CPVL: variants seen among roughly 807,000 people sequenced by gnomAD.
CPVL encodes the protein carboxypeptidase vitellogenic like, also known as probable serine carboxypeptidase CPVL.
CPVL carries 51 observed loss-of-function variants against 63.7 expected under a neutral mutation model. The ratio of observed to expected loss-of-function variants is 0.80; its 90% CI spans 0.64 to 1.01. CPVL has a LOEUF of 1.01. Ranked by LOEUF, CPVL falls within the 50% of genes least tolerant of loss-of-function variation. The pLI is 0.00. For synonymous variants in CPVL, 195 were observed against 206.0 expected (o/e 0.95, Z 0.46); for missense variants, 530 against 573.1 (o/e 0.92, Z 0.77).
At chr7:29,026,701 C>G (rs572129490) in intron 12 of CPVL, among the ~76,000 whole-genome samples, 1 of 151,968 alleles carries the variant, frequency 6.6e-6, no homozygotes, top group African/African-American at 2.4e-5. Context: ...TCATCAGAGA[C>G]TATTATGGAC....
chr7:29,054,141 A>G (rs987497226), intron 11 of CPVL, among the ~76,000 whole-genome samples: 37 of 152,190 alleles, frequency 2.4e-4, no homozygotes, highest in African/African-American at 8.2e-4. Flanking sequence ...GCCTTAACAA[A>G]TGTTAACATT....
intron 11 of CPVL, among the ~76,000 whole-genome samples, chr7:29,040,764 C>A (rs1788986701): frequency 6.6e-6 from 1 of 152,094 alleles, no homozygotes; most frequent in South Asian, 2.1e-4. Flanking sequence ...GAGTCAGTGT[C>A]CAGCGATTAT....
chr7:29,014,472 C>T (rs1199145883), intron 12 of CPVL, among the ~76,000 whole-genome samples: 1 of 152,108 alleles, frequency 6.6e-6, no homozygotes, highest in African/African-American at 2.4e-5. Flanking sequence ...GCTGGGACTA[C>T]AGGCCTGCAC....
intron 1 of CPVL, among the ~76,000 whole-genome samples, chr7:29,144,451 C>T (rs1792233847): frequency 6.6e-6 from 1 of 152,154 alleles, no homozygotes; most frequent in African/African-American, 2.4e-5. Flanking sequence ...ATTCCAGCTA[C>T]TCAGGAGGCT....
chr7:28,995,802 A>G lies in CPVL; in HGVS notation c.1401T>C (p.Tyr467=), dbSNP rs1305512473. 1 of 1,607,254 alleles carries G rather than the reference A, an allele frequency of 6.2e-7. No individual in the cohort carries two copies. The highest frequency in any genetic ancestry group is 1.3e-5 in the African/African-American group (1 of 74,640). The change falls in exon 13 of 13, where the codon TAT becomes TAC. Residue 467 remains tyrosine (Y), a synonymous_variant. Transcript: ENST00000265394. ...RAFDMINRFI[Y]GKGWDPYVG is the part of the protein sequence containing the mutation. ...CAACATAAGGATCCCATCCTTTTCC[A>G]TAAATGAATCGATTAATCATGTCAA...
At chr7:29,040,953 C>T (rs1052370919) in intron 11 of CPVL, among the ~76,000 whole-genome samples, 7 of 152,024 alleles carry the variant, frequency 4.6e-5, no homozygotes, top group African/African-American at 7.2e-5. Flanking sequence ...CACACTTAAA[C>T]GACTTTTAAG....
rs1339180192 is a variant in CPVL at position 29,158,528 on chromosome 7, GTGATAATATTGATA to G, written c.-11+22748_-11+22761del. On this transcript the variant is annotated intron_variant, in intron 5 of 16. Transcript: ENST00000409850. ...TTTTATTGTGTAGCCTAGTCTTTAT[GTGATAATATTGATA>G]CTTAAGTTTACCAGAGAGGAAAATA... Among the ~76,000 whole-genome samples the G allele has an allele frequency of 8.2e-5, 3 of 36,758 alleles. No individual in the cohort carries two copies. In the East Asian group the frequency reaches 2.0e-3, roughly 25 times the overall value. The allele number at this position is 36,758 out of a possible 152,430, so 24.1% of individuals were successfully genotyped here. A position where few individuals can be genotyped will look rare whatever the true frequency, so the allele number is the denominator to read the frequency against.
chr7:29,195,159 C>A, exon 1 of CPVL: 1 of 589,386 alleles, frequency 1.7e-6, no homozygotes, highest in South Asian at 2.8e-5. Context: ...CCTCGGTGCC[C>A]AGAGCACCTC....
chr7:29,139,262 C>A (rs968751864), intron 1 of CPVL, among the ~76,000 whole-genome samples: 1 of 152,222 alleles, frequency 6.6e-6, no homozygotes, highest in South Asian at 2.1e-4. Flanking sequence ...ATTCACTTCT[C>A]CCCTTGGACT....
At chr7:29,148,222 C>T (rs1351214491), upstream of CPVL, among the ~76,000 whole-genome samples, 1 of 152,206 alleles carries the variant, frequency 6.6e-6, no homozygotes, top group East Asian at 1.9e-4. Flanking sequence ...TGGACAAGGG[C>T]TCCTTGGGTC....
chr7:29,033,461 A>C (rs1788230301), intron 11 of CPVL, among the ~76,000 whole-genome samples: 1 of 152,148 alleles, frequency 6.6e-6, no homozygotes, highest in Non-Finnish European at 1.5e-5. Context: ...TTGGCCAAAT[A>C]TGTCTACACA....
intron 4 of CPVL, 106 bp downstream of exon 4, chr7:29,095,997 G>C: frequency 1.1e-6 from 1 of 907,920 alleles, no homozygotes; most frequent in Non-Finnish European, 1.8e-6. Context: ...ATCTGGAACG[G>C]TTAAGCTATT....
chr7:29,088,613 G>A (rs1005118685), intron 6 of CPVL, among the ~76,000 whole-genome samples: 1 of 152,076 alleles, frequency 6.6e-6, no homozygotes, highest in Non-Finnish European at 1.5e-5. Context: ...TTATTACATG[G>A]TGAGCATTTT....
intron 7 of CPVL, among the ~76,000 whole-genome samples, chr7:29,075,712 C>T (rs1784176543): frequency 6.6e-6 from 1 of 150,498 alleles, no homozygotes; most frequent in Non-Finnish European, 1.5e-5. Flanking sequence ...ATATTCAGTC[C>T]ACATCTGCCA....
chr7:29,095,486 C>A (rs1273869380), intron 4 of CPVL, among the ~76,000 whole-genome samples: 1 of 152,106 alleles, frequency 6.6e-6, no homozygotes, highest in Admixed American at 6.6e-5. Flanking sequence ...CCTTAATGCT[C>A]CATCTCTTGA....
intron 12 of CPVL, among the ~76,000 whole-genome samples, chr7:29,005,522 C>T (rs1194683901): frequency 6.6e-6 from 1 of 152,176 alleles, no homozygotes; most frequent in Non-Finnish European, 1.5e-5. Context: ...AAGCAAACCT[C>T]TGTCACTGCA....
intron 12 of CPVL, among the ~76,000 whole-genome samples, chr7:28,997,596 C>A (rs1784210968): frequency 6.6e-6 from 1 of 152,138 alleles, no homozygotes; most frequent in Admixed American, 6.5e-5. Context: ...GATGACTGAG[C>A]TATTTGGAAT....
chr7:29,090,100 T>C (rs552878027), intron 6 of CPVL, among the ~76,000 whole-genome samples: 1 of 152,312 alleles, frequency 6.6e-6, no homozygotes, highest in African/African-American at 2.4e-5. Context: ...TGACCTCAGG[T>C]GATCTGCCTG....
chr7:29,100,116 G>A (rs1169273816), intron 3 of CPVL, among the ~76,000 whole-genome samples: 1 of 152,116 alleles, frequency 6.6e-6, no homozygotes, highest in South Asian at 2.1e-4. Context: ...ACATATGAGA[G>A]GTAGAAAAAC....
Sources: gnomAD v4.1 joint callset for allele counts (sites outside exome capture counted in the v4.1 genomes callset) on GRCh38, gnomAD v4.1.1 for gene constraint, MANE v1.5 for transcripts, NCBI Gene and HGNC (gene_info 2026-07-23, HGNC 2026-07-21) for gene names.